PALD1: variants seen among roughly 807,000 people sequenced by gnomAD.
PALD1 encodes paladin.
Under a neutral mutation model 96.0 loss-of-function variants are expected in PALD1, and 57 were observed. That is an observed-to-expected ratio of 0.59 (90% confidence interval 0.48 to 0.74). PALD1 has a LOEUF of 0.74. PALD1 is among the 30% of genes least tolerant of loss of function. The pLI is 0.00. For missense variants in PALD1, 1,063 were observed against 1,143.7 expected (o/e 0.93, Z 1.02); for synonymous variants, 464 against 473.6 (o/e 0.98, Z 0.26).
rs1847204225 is a variant in PALD1, at chr10:70,539,815, G to T, written c.1908+53G>T. On this transcript the variant is annotated intron_variant, in intron 15 of 19. Coordinates refer to ENST00000263563, the MANE Select transcript of PALD1 (RefSeq NM_014431.3). This position sits in a 1 kb window ranked among gnomAD's most constrained non-coding sequence, Gnocchi z 4.5. ...CTGGGGAGGGACAGGAGGCCTCCCT[G>T]TCTCCCCTCTGGTCTGGGCTCTGGG... 3 of 1,466,910 alleles carry T rather than the reference G, an allele frequency of 2.0e-6. No individual in the cohort carries two copies. Among genetic ancestry groups the T allele is most frequent in the African/African-American group, 1.4e-5 (1 of 69,920 alleles). 90.9% of individuals were successfully genotyped at this position (1,466,910 alleles called of 1,614,324 possible).
chr10:70,483,605 C>T (rs775166858), intron 1 of PALD1, among the ~76,000 whole-genome samples: 3 of 152,094 alleles, frequency 2.0e-5, no homozygotes, highest in Non-Finnish European at 2.9e-5. Flanking sequence ...GACCTGGGAC[C>T]CTGCCAGCTT....
the PALD1 span, among the ~76,000 whole-genome samples, chr10:70,472,062 C>A: frequency 2.0e-5 from 3 of 152,158 alleles, no homozygotes; most frequent in African/African-American, 4.8e-5. Flanking sequence ...CCCACTAGCC[C>A]AGAGCAGTGT....
intron 12 of PALD1, 138 bp downstream of exon 12, chr10:70,538,546 T>C (rs1847162682): frequency 1.1e-6 from 1 of 917,502 alleles, no homozygotes; most frequent in Non-Finnish European, 1.6e-6. Context: ...GTTGGGATCC[T>C]CTTGTGAACA....
the PALD1 span, among the ~76,000 whole-genome samples, chr10:70,471,323 T>A: frequency 1.3e-5 from 2 of 152,200 alleles, no homozygotes; most frequent in Non-Finnish European, 2.9e-5. Flanking sequence ...CGCTGCACAT[T>A]TGTGTGTGTG....
intron 18 of PALD1, among the ~76,000 whole-genome samples, chr10:70,552,088 C>G (rs1281961411): frequency 6.6e-6 from 1 of 152,216 alleles, no homozygotes; most frequent in South Asian, 2.1e-4. Context: ...GCATGTGCTG[C>G]CTCAGTGCTG....
At chr10:70,468,701 ACTGT>A in the PALD1 span, among the ~76,000 whole-genome samples, 1 of 101,150 alleles carries the variant, frequency 9.9e-6, no homozygotes, top group Admixed American at 9.6e-5. Flanking sequence ...ATGAGGCAGG[ACTGT>A]GTGTGTGTGT....
intron 4 of PALD1, among the ~76,000 whole-genome samples, chr10:70,530,643 G>A (rs1846972930): frequency 6.6e-6 from 1 of 152,172 alleles, no homozygotes; most frequent in South Asian, 2.1e-4. Flanking sequence ...CAGGCTGAGG[G>A]TCTGCTGCGA....
At chr10:70,541,365 GCC>G in intron 16 of PALD1, 96 bp from the exon 17 acceptor site, 1 of 1,522,710 alleles carries the variant, frequency 6.6e-7, no homozygotes, top group Middle Eastern at 1.7e-4. Flanking sequence ...TGGTCCCAGA[GCC>G]CCTTCCATCA....
chr10:70,460,932 G>A, the PALD1 span, among the ~76,000 whole-genome samples: 2 of 152,230 alleles, frequency 1.3e-5, no homozygotes, highest in Admixed American at 1.3e-4. Context: ...GCATGCGCCT[G>A]TAATCCCAGC....
At chr10:70,555,921 A>T (rs1194159801) in intron 18 of PALD1, among the ~76,000 whole-genome samples, 1 of 152,138 alleles carries the variant, frequency 6.6e-6, no homozygotes, top group African/African-American at 2.4e-5. Context: ...GAATGGCGTG[A>T]ACCCGGGAGG....
At chr10:70,498,790 T>G (rs1347247715) in intron 1 of PALD1, among the ~76,000 whole-genome samples, 1 of 152,038 alleles carries the variant, frequency 6.6e-6, no homozygotes, top group Non-Finnish European at 1.5e-5. Context: ...TAGCCAGACG[T>G]GGTAGCGCGT....
intron 2 of PALD1, 58 bp downstream of exon 2, chr10:70,526,194 T>C: frequency 7.0e-7 from 1 of 1,431,858 alleles, no homozygotes; most frequent in Non-Finnish European, 9.8e-7. Flanking sequence ...CGGGGGGACC[T>C]GCTTGGGGGT....
intron 2 of PALD1, among the ~76,000 whole-genome samples, chr10:70,527,462 A>G (rs898588687): frequency 3.9e-5 from 6 of 152,314 alleles, no homozygotes; most frequent in Non-Finnish European, 7.3e-5. Flanking sequence ...TTCTTCAAAT[A>G]AAGTTTTATT....
At chr10:70,477,139 C>T (rs933038831), upstream of PALD1, among the ~76,000 whole-genome samples, 1 of 152,270 alleles carries the variant, frequency 6.6e-6, no homozygotes, top group South Asian at 2.1e-4. Context: ...AATGCATCCT[C>T]AGGATGGCAG....
chr10:70,492,131 G>T lies in PALD1; in HGVS notation c.-30+13072G>T, dbSNP rs1011030717. On this transcript the variant is annotated intron_variant, in intron 1 of 19. Coordinates refer to ENST00000263563, the MANE Select transcript of PALD1 (RefSeq NM_014431.3). ...TATATACTTAGCAGTGGGATTGCTT[G>T]GTCATATGGTAAGTCTTTGTTTAAC... 3.3e-5 allele frequency among the ~76,000 whole-genome samples: 5 copies of T among 152,096 alleles called. No individual in the cohort carries two copies. In the East Asian group the frequency reaches 9.6e-4, roughly 29 times the overall value.
intron 1 of PALD1, among the ~76,000 whole-genome samples, chr10:70,523,452 G>C (rs942445251): frequency 2.0e-5 from 3 of 152,122 alleles, no homozygotes; most frequent in African/African-American, 7.2e-5. Flanking sequence ...GCTGGGAGGG[G>C]TCTGGGAAAG....
chr10:70,556,478 G>C (rs996925024), intron 18 of PALD1, among the ~76,000 whole-genome samples: 2 of 152,004 alleles, frequency 1.3e-5, no homozygotes, highest in Non-Finnish European at 2.9e-5. Flanking sequence ...ACCAGGCCTG[G>C]CTAATTTTTT....
intron 18 of PALD1, among the ~76,000 whole-genome samples, chr10:70,555,227 G>A (rs1205252654): frequency 3.3e-5 from 5 of 150,678 alleles, no homozygotes; most frequent in African/African-American, 7.3e-5. Flanking sequence ...CACGAGCCTC[G>A]GCCTCCCACA....
At chr10:70,479,226 G>A (rs1349695131) in intron 1 of PALD1, among the ~76,000 whole-genome samples, 167 bp downstream of exon 1, 1 of 152,234 alleles carries the variant, frequency 6.6e-6, no homozygotes, top group Non-Finnish European at 1.5e-5. Flanking sequence ...TGGGAGGCAA[G>A]AGGGACTCAC....
Sources: gnomAD v4.1 joint callset for allele counts (sites outside exome capture counted in the v4.1 genomes callset) on GRCh38, gnomAD v4.1.1 for gene constraint, Gnocchi (gnomAD v3.1) non-coding constraint, MANE v1.5 for transcripts, NCBI Gene and HGNC (gene_info 2026-07-23, HGNC 2026-07-21) for gene names.